JAKMIP2: variants seen among roughly 807,000 people sequenced by gnomAD.
JAKMIP2 encodes the protein janus kinase and microtubule interacting protein 2.
In JAKMIP2, 25 loss-of-function variants were observed where a neutral mutation model predicts 115.0. The observed-to-expected ratio is 0.22, with a 90% CI of 0.16 to 0.30. The LOEUF is 0.30. Among genes scored for constraint, JAKMIP2 ranks in the 10% least tolerant of loss-of-function variants. JAKMIP2 has a pLI of 1.00. For missense variants in JAKMIP2, 642 were observed against 957.6 expected, an observed-to-expected ratio of 0.67 and a Z score of 4.35; for synonymous variants, 334 against 343.6, an observed-to-expected ratio of 0.97 and a Z score of 0.31.
At chr5:147,736,412 T>C (rs1386052717) in intron 1 of JAKMIP2, among the ~76,000 whole-genome samples, 1 of 152,016 alleles carries the variant, frequency 6.6e-6, no homozygotes, top group African/African-American at 2.4e-5. Context: ...GAGCCAAGAT[T>C]GCGCCACTGC....
At chr5:147,721,652 G>A (rs1753303505) in intron 1 of JAKMIP2, among the ~76,000 whole-genome samples, 2 of 152,292 alleles carry the variant, frequency 1.3e-5, no homozygotes, top group South Asian at 2.1e-4. Context: ...CTCGGAAAGG[G>A]AACTCCCTGA....
chr5:147,690,755 T>A (rs1011875362), intron 1 of JAKMIP2, among the ~76,000 whole-genome samples: 3 of 152,034 alleles, frequency 2.0e-5, no homozygotes, highest in African/African-American at 7.2e-5. Flanking sequence ...CAGGTGAGTG[T>A]GTAGCTCCTT....
intron 1 of JAKMIP2, among the ~76,000 whole-genome samples, chr5:147,774,497 T>C (rs769730535): frequency 2.6e-5 from 4 of 152,176 alleles, no homozygotes; most frequent in African/African-American, 4.8e-5. Context: ...TAATGGCTTA[T>C]TGGTAGAATG....
intron 19 of JAKMIP2, among the ~76,000 whole-genome samples, chr5:147,612,910 AC>A (rs1426523209): frequency 6.6e-6 from 1 of 152,184 alleles, no homozygotes; most frequent in Non-Finnish European, 1.5e-5. Context: ...TTTTATCTTA[AC>A]CCCATTTCAA....
intron 10 of JAKMIP2, among the ~76,000 whole-genome samples, chr5:147,637,365 A>G (rs1757664858): frequency 7.1e-6 from 1 of 141,812 alleles, no homozygotes; most frequent in African/African-American, 2.7e-5. Flanking sequence ...GTAACTCTCC[A>G]CTCTTCTCTT....
chr5:147,770,071 G>A (rs1755293556), intron 1 of JAKMIP2, among the ~76,000 whole-genome samples: 1 of 151,858 alleles, frequency 6.6e-6, no homozygotes, highest in African/African-American at 2.4e-5. Flanking sequence ...ATGTATATAT[G>A]TTTGTGTAAT....
intron 1 of JAKMIP2, among the ~76,000 whole-genome samples, chr5:147,724,324 A>T (rs1247362215): frequency 6.6e-6 from 1 of 152,078 alleles, no homozygotes; most frequent in Non-Finnish European, 1.5e-5. Context: ...TACCACCATT[A>T]TTTTTGTTGT....
chr5:147,764,920 A>AAGAAAG (rs1554086034), intron 1 of JAKMIP2, among the ~76,000 whole-genome samples: 23 of 39,484 alleles, frequency 5.8e-4, no homozygotes, highest in Non-Finnish European at 8.9e-4. Context: ...GAAAGAAAGA[A>AAGAAAG]AGAGAGAGAG....
intron 1 of JAKMIP2, among the ~76,000 whole-genome samples, chr5:147,714,590 T>C (rs538043250): frequency 2.0e-5 from 3 of 152,292 alleles, no homozygotes; most frequent in South Asian, 4.1e-4. Flanking sequence ...TTTTTTAGAA[T>C]TGATGAAACA....
chr5:147,707,144 C>T (rs529477883), intron 1 of JAKMIP2, among the ~76,000 whole-genome samples: 1 of 152,046 alleles, frequency 6.6e-6, no homozygotes, highest in South Asian at 2.1e-4. Context: ...ATGTTGAGTC[C>T]CAGAAGGGAC....
At chr5:147,712,986 AAT>A (rs1434969785) in intron 1 of JAKMIP2, among the ~76,000 whole-genome samples, 1 of 152,194 alleles carries the variant, frequency 6.6e-6, no homozygotes, top group African/African-American at 2.4e-5. Flanking sequence ...ACGATTTAAA[AAT>A]ATGTTAAGGG....
intron 21 of JAKMIP2, chr5:147,594,529 T>C (rs1303803137): frequency 4.9e-6 from 2 of 405,106 alleles, no homozygotes; most frequent in Non-Finnish European, 1.0e-5. Context: ...AGATGGGATT[T>C]CACCATGTTT....
intron 7 of JAKMIP2, among the ~76,000 whole-genome samples, chr5:147,643,431 T>A (rs1048385697): frequency 6.6e-6 from 1 of 152,026 alleles, no homozygotes; most frequent in Non-Finnish European, 1.5e-5. Context: ...AGAACACAGA[T>A]GGAGAGGCAA....
Position 147,602,603 on chromosome 5 carries a change from A to G in JAKMIP2, c.2413-792T>C, listed in dbSNP as rs1056375714. On this transcript the variant is annotated intron_variant, in intron 20 of 21. Transcript: ENST00000616793. ...TCACCAAATTTTTCACTTGAGAAAC[A>G]GATAATTGGATGGACAAACAGTGCT... is the stretch of plus-strand genomic sequence containing the variant. Among the ~76,000 whole-genome samples, 3 of 152,220 alleles carry G rather than the reference A, an allele frequency of 2.0e-5. No homozygotes were observed. The South Asian group carries it at 6.2e-4, about 31-fold the overall frequency.
chr5:147,684,983 T>C lies in JAKMIP2; in HGVS notation c.-148-13029A>G, dbSNP rs553864971. Among the ~76,000 whole-genome samples the C allele has an allele frequency of 6.6e-4, 101 of 152,342 alleles. 1 individual carries two copies. Among genetic ancestry groups the C allele is most frequent in the Non-Finnish European group, 1.1e-3 (76 of 68,018 alleles). On this transcript the variant is annotated intron_variant, in intron 1 of 21. Coordinates refer to ENST00000616793, the MANE Select transcript of JAKMIP2 (RefSeq NM_001270941.2). ...CCACATCTTCTCTTTAGAGAGCACT[T>C]AGTGTGTGCTGACCACTGTACAATG...
At chr5:147,749,644 G>A (rs1754480009) in intron 1 of JAKMIP2, among the ~76,000 whole-genome samples, 1 of 152,198 alleles carries the variant, frequency 6.6e-6, no homozygotes, top group Non-Finnish European at 1.5e-5. Flanking sequence ...ACCTAGAAAT[G>A]TCTTCCAAGT....
At chr5:147,782,396 T>C (rs955944757) in intron 1 of JAKMIP2, 60 bp downstream of exon 1, 20 of 1,509,058 alleles carry the variant, frequency 1.3e-5, no homozygotes, top group African/African-American at 1.1e-4. Flanking sequence ...CAGAAATGTA[T>C]ACACAGGTCA....
chr5:147,764,967 GGGGA>G lies in JAKMIP2; in HGVS notation c.-149+17485_-149+17488del, dbSNP rs1312345895. Among the ~76,000 whole-genome samples the G allele has an allele frequency of 5.6e-3, 120 of 21,246 alleles. 14 individuals are homozygous for G. In the East Asian group the frequency reaches 0.08, roughly 14 times the overall value. The allele number at this position is 21,246 out of a possible 152,430, so 13.9% of individuals were successfully genotyped here. A position where few individuals can be genotyped will look rare whatever the true frequency, so the allele number is the denominator to read the frequency against. On this transcript the variant is annotated intron_variant, in intron 1 of 21. Coordinates refer to ENST00000616793, the MANE Select transcript of JAKMIP2 (RefSeq NM_001270941.2). Reference sequence around the variant, plus strand: ...GAGAGGGAGAGAGAGAGAGAGAGAGGGGGAGAGAGAGAGAGAGAGAGAGGGAGAG... The same window carrying G: ...GAGAGGGAGAGAGAGAGAGAGAGAGGGAGAGAGAGAGAGAGAGAGGGAGAG...
chr5:147,780,449 T>G (rs1257092476), intron 1 of JAKMIP2, among the ~76,000 whole-genome samples: 1 of 152,220 alleles, frequency 6.6e-6, no homozygotes, highest in East Asian at 1.9e-4. Flanking sequence ...AATCTTAATT[T>G]TTTAAGTGTG....
Sources: gnomAD v4.1 joint callset for allele counts (sites outside exome capture counted in the v4.1 genomes callset) on GRCh38, gnomAD v4.1.1 for gene constraint, MANE v1.5 for transcripts, NCBI Gene and HGNC (gene_info 2026-07-23, HGNC 2026-07-21) for gene names.